The following PTPRN2 variants were observed in gnomAD, a reference collection of about 807,000 sequenced individuals.
PTPRN2 encodes the protein receptor-type tyrosine-protein phosphatase N2.
A neutral mutation model predicts 118.8 loss-of-function variants in PTPRN2; 74 were observed. The ratio of observed to expected loss-of-function variants is 0.62; its 90% CI spans 0.52 to 0.76. PTPRN2 has a LOEUF of 0.76. Among genes scored for constraint, PTPRN2 ranks in the 30% least tolerant of loss-of-function variants. The pLI, the probability that PTPRN2 is intolerant of heterozygous loss-of-function variation, is 0.00. For missense variants in PTPRN2, 1,481 were observed against 1,394.4 expected (o/e 1.06, Z -0.99); for synonymous variants, 641 against 608.0 (o/e 1.05, Z -0.80).
At chr7:157,727,803 C>G (rs1316209293) in intron 12 of PTPRN2, among the ~76,000 whole-genome samples, 2 of 152,204 alleles carry the variant, frequency 1.3e-5, no homozygotes, top group African/African-American at 2.4e-5. Flanking sequence ...AGCCCAGACC[C>G]CCGCGACCAG....
At chr7:158,366,591 G>C (rs1053090314) in intron 2 of PTPRN2, among the ~76,000 whole-genome samples, 1 of 152,128 alleles carries the variant, frequency 6.6e-6, no homozygotes, top group Non-Finnish European at 1.5e-5. Flanking sequence ...TTGTTTCCCC[G>C]AACGCAGAGC....
intron 6 of PTPRN2, among the ~76,000 whole-genome samples, chr7:158,149,037 C>T (rs1475982226): frequency 7.3e-6 from 1 of 136,674 alleles, no homozygotes; most frequent in Admixed American, 7.2e-5. Flanking sequence ...CGTGTCTTTC[C>T]CTCTCACTGA....
In PTPRN2 at chr7:157,645,338, G is replaced by A. The variant is rs940457716; in HGVS notation, c.2196+11019C>T. 1.4e-4 allele frequency among the ~76,000 whole-genome samples: 21 copies of A among 152,288 alleles called. No homozygotes were observed. In the East Asian group the frequency reaches 2.3e-3, roughly 17 times the overall value. The stretch of plus-strand genomic sequence containing the variant: ...GATGCAGCCCTTCCCACCTACCAGC[G>A]GCAAAGTTCAAAGGTTCGCTGATAC... On this transcript the variant is annotated intron_variant, in intron 14 of 22. Coordinates refer to ENST00000389418, the MANE Select transcript of PTPRN2 (RefSeq NM_002847.5).
chr7:158,347,052 T>G (rs1807566084), intron 2 of PTPRN2, among the ~76,000 whole-genome samples: 1 of 152,236 alleles, frequency 6.6e-6, no homozygotes, highest in Non-Finnish European at 1.5e-5. Flanking sequence ...ATCCTTAGGT[T>G]GTCTGTGCAC....
rs532812886 is a variant in PTPRN2 at position 158,168,462 on chromosome 7, C to T, written c.550-1171G>A. The stretch of plus-strand genomic sequence containing the variant: ...AATGTCTGTTTGTATTTTTTGCCTG[C>T]ACTGGTTTTTATTTTAACCCTGAAA... On this transcript the variant is annotated intron_variant, in intron 5 of 22. Coordinates refer to ENST00000389418, the MANE Select transcript of PTPRN2 (RefSeq NM_002847.5). Among the ~76,000 whole-genome samples, 23 of 152,298 alleles carry T rather than the reference C, an allele frequency of 1.5e-4. No individual in the cohort carries two copies. The Middle Eastern group carries it at 0.01, about 68-fold the overall frequency.
At position 157,944,983 on chromosome 7, in the gene PTPRN2, G is replaced by T. The variant is rs1297944012; in HGVS notation, c.1724-46246C>A. On this transcript the variant is annotated intron_variant, in intron 11 of 22. Coordinates refer to ENST00000389418, the MANE Select transcript of PTPRN2 (RefSeq NM_002847.5). This position sits in a 1 kb window ranked among gnomAD's most constrained non-coding sequence, Gnocchi z 4.3. The stretch of plus-strand genomic sequence containing the variant: ...GAGCCTGTGCAGCTCCCAGTGCTGT[G>T]ACCCCACCATGATCGCTCATCTGCT... Among the ~76,000 whole-genome samples, 3 of 152,164 alleles carry T rather than the reference G, an allele frequency of 2.0e-5. No individual in the cohort carries two copies. The highest frequency in any genetic ancestry group is 2.0e-4 in the Admixed American group (3 of 15,290).
intron 12 of PTPRN2, among the ~76,000 whole-genome samples, chr7:157,782,609 A>G (rs1803748457): frequency 6.6e-6 from 1 of 152,216 alleles, no homozygotes. Context: ...AAAAACTCAT[A>G]CATGTATAAT....
chr7:158,314,874 G>T (rs1183188776), intron 3 of PTPRN2, among the ~76,000 whole-genome samples: 1 of 150,154 alleles, frequency 6.7e-6, no homozygotes, highest in Non-Finnish European at 1.5e-5. Flanking sequence ...TAGGACAGAG[G>T]TGAACCCGGG....
intron 3 of PTPRN2, among the ~76,000 whole-genome samples, chr7:158,211,218 A>G (rs1211955892): frequency 6.6e-6 from 1 of 152,174 alleles, no homozygotes; most frequent in Non-Finnish European, 1.5e-5. Flanking sequence ...CTATGAAACG[A>G]CTAAAAGAAA....
intron 3 of PTPRN2, among the ~76,000 whole-genome samples, chr7:158,315,416 A>G (rs1802230633): frequency 6.6e-6 from 1 of 150,662 alleles, no homozygotes; most frequent in Admixed American, 6.6e-5. Flanking sequence ...GACGCCCTCA[A>G]GGACAGAGGT....
At chr7:158,488,837 G>A (rs1821223596) in intron 2 of PTPRN2, among the ~76,000 whole-genome samples, 1 of 152,264 alleles carries the variant, frequency 6.6e-6, no homozygotes, top group Non-Finnish European at 1.5e-5. Context: ...GTGCGCCCCG[G>A]GCCCACACGC....
At chr7:158,064,328 G>A (rs529775725) in intron 11 of PTPRN2, among the ~76,000 whole-genome samples, 2 of 152,276 alleles carry the variant, frequency 1.3e-5, no homozygotes, top group African/African-American at 4.8e-5. Context: ...ATTCTCCTGG[G>A]GACGTCTCTC....
At chr7:158,312,190 G>A (rs1470525181) in intron 3 of PTPRN2, among the ~76,000 whole-genome samples, 1 of 69,962 alleles carries the variant, frequency 1.4e-5, no homozygotes, top group Admixed American at 1.5e-4. Flanking sequence ...ATGCTCATGT[G>A]TAGACACTCA....
At chr7:158,168,004 C>A (rs1416899085) in intron 5 of PTPRN2, among the ~76,000 whole-genome samples, 1 of 152,168 alleles carries the variant, frequency 6.6e-6, no homozygotes, top group Non-Finnish European at 1.5e-5. Context: ...GTTTTCAATT[C>A]TCTTGGGTTT....
rs1439504820 is a variant in PTPRN2 at position 157,787,692 on chromosome 7, G to A, written c.1789-104755C>T. Among the ~76,000 whole-genome samples, 1 of 152,180 alleles carries A rather than the reference G, an allele frequency of 6.6e-6. No individual in the cohort carries two copies. The highest frequency in any genetic ancestry group is 1.5e-5 in the Non-Finnish European group (1 of 68,034). The stretch of plus-strand genomic sequence containing the variant: ...TGAACACCTGCTCTGTGGGAGACGG[G>A]GTGGTGTTTGAGCTGGTGCCATCTG... On this transcript the variant is annotated intron_variant, in intron 12 of 22. Coordinates refer to ENST00000389418, the MANE Select transcript of PTPRN2 (RefSeq NM_002847.5). The surrounding 1 kb of genome is among the most constrained non-coding windows in gnomAD (Gnocchi z 5.3).
rs372461873 is a variant in PTPRN2 at position 158,351,853 on chromosome 7, C to T, written c.164-34921G>A. Among the ~76,000 whole-genome samples the T allele has an allele frequency of 5.9e-5, 9 of 151,892 alleles. 1 individual carries two copies. The South Asian group carries it at 1.9e-3, about 32-fold the overall frequency. Reference sequence around the variant, plus strand: ...CTGAGAAGAAAGTGCACCTTTCTGACCACCCACTCCCAGCCCAGCTCCCCT... The same window carrying T: ...CTGAGAAGAAAGTGCACCTTTCTGATCACCCACTCCCAGCCCAGCTCCCCT... On this transcript the variant is annotated intron_variant, in intron 2 of 22. Coordinates refer to ENST00000389418, the MANE Select transcript of PTPRN2 (RefSeq NM_002847.5).
At chr7:158,034,292 G>C (rs1001744547) in intron 11 of PTPRN2, among the ~76,000 whole-genome samples, 4 of 152,228 alleles carry the variant, frequency 2.6e-5, no homozygotes, top group African/African-American at 9.6e-5. Flanking sequence ...TGTGTGGCTG[G>C]CTGCACAGTG....
chr7:158,547,667 G>T (rs1826378891), intron 1 of PTPRN2, among the ~76,000 whole-genome samples: 3 of 152,188 alleles, frequency 2.0e-5, no homozygotes, highest in African/African-American at 7.2e-5. Context: ...GCCCTGGGAG[G>T]CACTCCTGGG....
chr7:157,692,390 C>T (rs1421282794), intron 12 of PTPRN2, among the ~76,000 whole-genome samples: 1 of 152,242 alleles, frequency 6.6e-6, no homozygotes, highest in African/African-American at 2.4e-5. Flanking sequence ...TGCAGAGGGC[C>T]TTGCCTGGCG....
Sources: allele counts gnomAD v4.1 joint callset (sites outside exome capture counted in the v4.1 genomes callset), GRCh38; gene constraint gnomAD v4.1.1; non-coding constraint Gnocchi (gnomAD v3.1); transcripts MANE v1.5; gene names NCBI Gene and HGNC (gene_info 2026-07-23, HGNC 2026-07-21).